The following CALM2 variants were observed in gnomAD, a reference collection of about 807,000 sequenced individuals.
The protein encoded by CALM2 is calmodulin-2.
Under a neutral mutation model 19.8 loss-of-function variants are expected in CALM2, and 2 were observed. That is an observed-to-expected ratio of 0.10 (90% CI 0.04 to 0.32). The LOEUF (loss-of-function observed/expected upper bound fraction) is 0.32, where lower values mean the gene tolerates loss of function less well. CALM2 is among the 10% of genes least tolerant of loss of function. The pLI, the probability that CALM2 is intolerant of heterozygous loss-of-function variation, is 1.00. For synonymous variants in CALM2, 51 were observed against 52.1 expected (o/e 0.98, Z 0.09); for missense variants, 38 against 178.7 (o/e 0.21, Z 4.49).
chr2:47,165,657 C>T (rs1666441259), intron 2 of CALM2, among the ~76,000 whole-genome samples: 1 of 152,132 alleles, frequency 6.6e-6, no homozygotes, highest in South Asian at 2.1e-4. Context: ...TTTTTCCACT[C>T]CTTGGCCACT....
At chr2:47,162,420 G>A (rs2103825366) in intron 3 of CALM2, 28 bp from the exon 4 acceptor site, 1 of 1,604,812 alleles carries the variant, frequency 6.2e-7, no homozygotes, top group East Asian at 2.2e-5. Flanking sequence ...AAACATCAAA[G>A]CTTTAGTGGA....
chr2:47,165,227 G>A (rs572943395), intron 2 of CALM2, among the ~76,000 whole-genome samples: 1 of 152,196 alleles, frequency 6.6e-6, no homozygotes, highest in African/African-American at 2.4e-5. Context: ...ACTAAAATGA[G>A]ACTTTGTAAC....
chr2:47,175,983 G>T (rs1416999371), intron 1 of CALM2, among the ~76,000 whole-genome samples: 6 of 151,892 alleles, frequency 4.0e-5, no homozygotes, highest in African/African-American at 7.2e-5. Context: ...CCCCCTGGGC[G>T]CATGGCGGCC....
intron 2 of CALM2, among the ~76,000 whole-genome samples, chr2:47,164,345 AAAACACACACACACACACACACACAC>A (rs1666384932): frequency 2.6e-5 from 2 of 76,404 alleles, no homozygotes; most frequent in Non-Finnish European, 4.9e-5. Context: ...CGTCTCTACT[AAAACACACACACACACACACACACAC>A]ACACACACAC....
At chr2:47,162,888 C>A in intron 2 of CALM2, 1 of 427,642 alleles carries the variant, frequency 2.3e-6, no homozygotes. Flanking sequence ...ACTTTGACTC[C>A]TAAAGATTAA....
rs539743839 is a variant in CALM2, at chr2:47,168,952, AT to A, written c.34+1781del. Among the ~76,000 whole-genome samples the A allele has an allele frequency of 8.0e-4, 122 of 152,058 alleles. 1 individual carries two copies. The highest frequency in any genetic ancestry group is 2.8e-3 in the African/African-American group (117 of 41,494). Reference sequence around the variant, plus strand: ...GCCACCATGCCTGGCTAATTTTTGTATTTTTAGGAGAGATGGGGTTTCACCA... The same window carrying A: ...GCCACCATGCCTGGCTAATTTTTGTATTTTAGGAGAGATGGGGTTTCACCA... On this transcript the variant is annotated intron_variant, in intron 2 of 5. Transcript: ENST00000272298.
intron 5 of CALM2, among the ~76,000 whole-genome samples, chr2:47,161,274 G>A (rs929522206): frequency 1.8e-4 from 27 of 152,102 alleles, no homozygotes; most frequent in African/African-American, 6.3e-4. Context: ...TAGTAGATAC[G>A]ATACTTTTGA....
intron 1 of CALM2, among the ~76,000 whole-genome samples, chr2:47,175,877 C>G (rs1666846515): frequency 6.7e-6 from 1 of 148,372 alleles, no homozygotes; most frequent in African/African-American, 2.4e-5. Context: ...CAGCGCGCCG[C>G]CCGCCCGCCC....
Position 47,162,281 on chromosome 2 carries a change from C to T in CALM2, c.285+5G>A, listed in dbSNP as rs760654198. 13 of 1,554,488 alleles carry T rather than the reference C, an allele frequency of 8.4e-6. No homozygotes were observed. In the African/African-American group the frequency reaches 1.1e-4, roughly 13 times the overall value. On this transcript the variant is annotated splice_donor_5th_base_variant and intron_variant, in intron 4 of 5. Transcript: ENST00000272298. ...AAAATTTAACATATCCAGTCCTTGA[C>T]GTACCTTATCAAACACACGGAATGC...
In CALM2 at chr2:47,176,272, A is replaced by C. The variant is rs2103858385; in HGVS notation, c.3+169T>G. 3 of 720,322 alleles carry C rather than the reference A, an allele frequency of 4.2e-6. No homozygotes were observed. The South Asian group carries it at 5.4e-5, about 13-fold the overall frequency. 44.6% of individuals were successfully genotyped at this position (720,322 alleles called of 1,614,324 possible). A position where few individuals can be genotyped will look rare whatever the true frequency, so the allele number is the denominator to read the frequency against. Reference sequence around the variant, plus strand: ...CCCCTGAAGAGAATGGGGGTGGGGGAGCACCTGCGACACAACCGTCGCCGG... The same window carrying C: ...CCCCTGAAGAGAATGGGGGTGGGGGCGCACCTGCGACACAACCGTCGCCGG... On this transcript the variant is annotated intron_variant, in intron 1 of 5. Transcript: ENST00000272298.
chr2:47,174,963 C>T (rs1666798202), intron 1 of CALM2, among the ~76,000 whole-genome samples: 1 of 152,038 alleles, frequency 6.6e-6, no homozygotes, highest in African/African-American at 2.4e-5. Context: ...TTTCAGTTGG[C>T]AAGGATCCCT....
chr2:47,173,403 T>A (rs1044551006), intron 1 of CALM2: 1 of 152,196 alleles, frequency 6.6e-6, no homozygotes, highest in African/African-American at 2.4e-5. Flanking sequence ...ATTGACATAA[T>A]TCTTCCCACT....
chr2:47,165,874 C>T (rs1456292717), intron 2 of CALM2, among the ~76,000 whole-genome samples: 1 of 152,212 alleles, frequency 6.6e-6, no homozygotes, highest in African/African-American at 2.4e-5. Context: ...TGAAATCTGT[C>T]AACAGGTCTC....
intron 1 of CALM2, among the ~76,000 whole-genome samples, chr2:47,175,577 A>G (rs1346069720): frequency 6.6e-6 from 1 of 152,122 alleles, no homozygotes; most frequent in African/African-American, 2.4e-5. Flanking sequence ...TTTAAAAAGC[A>G]ATTTTTTTTA....
intron 1 of CALM2, chr2:47,171,132 C>T (rs1666652033): frequency 1.1e-5 from 2 of 185,728 alleles, no homozygotes; most frequent in African/African-American, 2.4e-5. Context: ...ATGAAAATTA[C>T]TCCCACAAAT....
rs780196951 is a variant in CALM2, at chr2:47,160,731, T to C, written c.*45A>G. The C allele has an allele frequency of 2.9e-5, 35 of 1,205,356 alleles. No homozygotes were observed. The highest frequency in any genetic ancestry group is 7.9e-5 in the African/African-American group (5 of 63,302). 74.7% of individuals were successfully genotyped at this position (1,205,356 alleles called of 1,614,324 possible). On this transcript the variant is annotated 3_prime_UTR_variant, in exon 6 of 6. Coordinates refer to ENST00000272298, the MANE Select transcript of CALM2 (RefSeq NM_001743.6). ...AAGTTACAAACAAAGAAAAGGCAAA[T>C]AAACAATTTTGTACAAGAAATTTAA...
Position 47,160,489 on chromosome 2 carries a change from A to G in CALM2, c.*287T>C. On this transcript the variant is annotated 3_prime_UTR_variant, in exon 6 of 6. Transcript: ENST00000272298. Reference sequence around the variant, plus strand: ...CTACTTTAAAAAAGGCATAACCCAGATGTTCCCTCATTTGACCAACTCCAT... The same window carrying G: ...CTACTTTAAAAAAGGCATAACCCAGGTGTTCCCTCATTTGACCAACTCCAT... 3.3e-6 allele frequency: 1 copy of G among 298,774 alleles called. No homozygotes were observed. 18.5% of individuals were successfully genotyped at this position (298,774 alleles called of 1,614,324 possible).
rs934704396 is a variant in CALM2 at position 47,160,815 on chromosome 2, A to G, written c.422-11T>C. The G allele has an allele frequency of 2.0e-6, 3 of 1,477,008 alleles. No individual in the cohort carries two copies. The highest frequency in any genetic ancestry group is 2.8e-6 in the Non-Finnish European group (3 of 1,090,730). 91.5% of individuals were successfully genotyped at this position (1,477,008 alleles called of 1,614,324 possible). On this transcript the variant is annotated splice_polypyrimidine_tract_variant and intron_variant, in intron 5 of 5. Coordinates refer to ENST00000272298, the MANE Select transcript of CALM2 (RefSeq NM_001743.6). The stretch of plus-strand genomic sequence containing the variant: ...TCATTTGTACAAACTCTGAAAAAGA[A>G]GAAGTACACAAAAAATGAGTCAATA...
chr2:47,167,809 C>CTTTTTTTTTTTTTTTTTTTTTTTT (rs1400752450), intron 2 of CALM2: 2 of 18,232 alleles, frequency 1.1e-4, no homozygotes, highest in African/African-American at 5.3e-4. Flanking sequence ...ATTTTTTTTT[C>CTTTTTTTTTTTTTTTTTTTTTTTT]TTTTCTTTGA....
Sources: allele counts gnomAD v4.1 joint callset (sites outside exome capture counted in the v4.1 genomes callset), GRCh38; gene constraint gnomAD v4.1.1; transcripts MANE v1.5; gene names NCBI Gene and HGNC (gene_info 2026-07-23, HGNC 2026-07-21).